ABTB3: variants seen among roughly 807,000 people sequenced by gnomAD.
ABTB3 encodes ankyrin repeat and BTB domain containing 3.
the ABTB3 span, among the ~76,000 whole-genome samples, chr12:107,449,396 C>T: frequency 6.6e-6 from 1 of 152,196 alleles, no homozygotes; most frequent in Non-Finnish European, 1.5e-5. Context: ...CAATGGATGT[C>T]CCAAAATGTA....
chr12:107,332,265 C>A, the ABTB3 span, among the ~76,000 whole-genome samples: 1,029 of 152,258 alleles, frequency 6.8e-3, 17 homozygotes, highest in African/African-American at 0.024. Context: ...TCTAATGAGG[C>A]GATGCTTTGG....
chr12:107,375,786 T>C, the ABTB3 span, among the ~76,000 whole-genome samples: 1 of 152,170 alleles, frequency 6.6e-6, no homozygotes, highest in Admixed American at 6.5e-5. Flanking sequence ...CAATTGTTCT[T>C]TATGGACTTC....
the ABTB3 span, among the ~76,000 whole-genome samples, chr12:107,475,095 C>G: frequency 6.6e-6 from 1 of 152,158 alleles, no homozygotes; most frequent in African/African-American, 2.4e-5. Flanking sequence ...GCAGCATTAA[C>G]TCAACTCAGC....
At chr12:107,511,179 T>A in the ABTB3 span, among the ~76,000 whole-genome samples, 1 of 152,178 alleles carries the variant, frequency 6.6e-6, no homozygotes, top group African/African-American at 2.4e-5. Context: ...CAAAAGAAAT[T>A]GGCAGTCGGG....
the ABTB3 span, among the ~76,000 whole-genome samples, chr12:107,489,591 G>A: frequency 6.6e-6 from 1 of 152,030 alleles, no homozygotes; most frequent in Non-Finnish European, 1.5e-5. Context: ...AATTTTCAGG[G>A]ATCTAGCTAT....
the ABTB3 span, among the ~76,000 whole-genome samples, chr12:107,328,420 C>T: frequency 6.6e-6 from 1 of 152,144 alleles, no homozygotes; most frequent in African/African-American, 2.4e-5. Flanking sequence ...TAGTATCATT[C>T]TATACTGAAA....
the ABTB3 span, among the ~76,000 whole-genome samples, chr12:107,320,339 C>A: frequency 6.6e-6 from 1 of 152,350 alleles, no homozygotes; most frequent in Non-Finnish European, 1.5e-5. Context: ...CGACAGCTGC[C>A]TCCAGCAGGC....
the ABTB3 span, among the ~76,000 whole-genome samples, chr12:107,450,677 T>C: frequency 6.6e-6 from 1 of 152,154 alleles, no homozygotes; most frequent in East Asian, 1.9e-4. Flanking sequence ...CTTCCTGTGA[T>C]ATGCGTTCAG....
At chr12:107,522,416 T>C in the ABTB3 span, among the ~76,000 whole-genome samples, 1 of 152,166 alleles carries the variant, frequency 6.6e-6, no homozygotes, top group Non-Finnish European at 1.5e-5. Flanking sequence ...TTGTAGAGCA[T>C]GCAATTCAGC....
At chr12:107,564,951 G>A in the ABTB3 span, among the ~76,000 whole-genome samples, 4 of 152,240 alleles carry the variant, frequency 2.6e-5, no homozygotes, top group Non-Finnish European at 5.9e-5. Flanking sequence ...CAGGAAAAAT[G>A]ATCTGTATGC....
At chr12:107,439,194 C>CT in the ABTB3 span, among the ~76,000 whole-genome samples, 8 of 151,616 alleles carry the variant, frequency 5.3e-5, no homozygotes, top group African/African-American at 1.9e-4. Flanking sequence ...CAGTTGTCTG[C>CT]TTTTTTTTTC....
chr12:107,356,187 G>A, the ABTB3 span, among the ~76,000 whole-genome samples: 3 of 152,172 alleles, frequency 2.0e-5, no homozygotes, highest in African/African-American at 4.8e-5. Flanking sequence ...GATATACGGG[G>A]ATTTGCTTAT....
the ABTB3 span, among the ~76,000 whole-genome samples, chr12:107,345,332 A>G: frequency 1.3e-5 from 2 of 152,240 alleles, no homozygotes. Flanking sequence ...TGGATGCTCC[A>G]TTCTCTGGCT....
the ABTB3 span, among the ~76,000 whole-genome samples, chr12:107,487,680 T>A: frequency 6.6e-6 from 1 of 152,164 alleles, no homozygotes; most frequent in Non-Finnish European, 1.5e-5. Flanking sequence ...AGGGTTGATC[T>A]TCAAGGAAAC....
chr12:107,447,402 A>G, the ABTB3 span, among the ~76,000 whole-genome samples: 1 of 152,164 alleles, frequency 6.6e-6, no homozygotes, highest in Non-Finnish European at 1.5e-5. Flanking sequence ...TCGGCCTCCC[A>G]AAATGCTAGG....
At chr12:107,604,147 C>A in the ABTB3 span, among the ~76,000 whole-genome samples, 1 of 151,744 alleles carries the variant, frequency 6.6e-6, no homozygotes, top group African/African-American at 2.4e-5. Context: ...CCAGCCTGGG[C>A]GACAGAGTGA....
the ABTB3 span, among the ~76,000 whole-genome samples, chr12:107,398,715 G>A: frequency 6.6e-6 from 1 of 152,106 alleles, no homozygotes; most frequent in Non-Finnish European, 1.5e-5. Context: ...GACAGGTAGG[G>A]GGGTGGATGA....
chr12:107,475,462 A>G, the ABTB3 span, among the ~76,000 whole-genome samples: 1 of 152,174 alleles, frequency 6.6e-6, no homozygotes, highest in Non-Finnish European at 1.5e-5. Flanking sequence ...CACCCAGGGC[A>G]TGTCATAGCA....
the ABTB3 span, among the ~76,000 whole-genome samples, chr12:107,604,528 G>T: frequency 6.6e-6 from 1 of 152,106 alleles, no homozygotes; most frequent in Non-Finnish European, 1.5e-5. Flanking sequence ...GCTCAATATC[G>T]CTAACTGTCA....
Sources: gnomAD v4.1 joint callset for allele counts (sites outside exome capture counted in the v4.1 genomes callset) on GRCh38, gnomAD v4.1.1 for gene constraint, MANE v1.5 for transcripts, NCBI Gene and HGNC (gene_info 2026-07-23, HGNC 2026-07-21) for gene names.